FIGN: variants seen among roughly 807,000 people sequenced by gnomAD.
FIGN encodes fidgetin.
Under a neutral mutation model 51.3 loss-of-function variants are expected in FIGN, and 11 were observed. The observed-to-expected ratio is 0.21, with a 90% confidence interval of 0.13 to 0.35. FIGN has a LOEUF of 0.35. FIGN is among the 10% of genes least tolerant of loss of function. The pLI is 1.00. For missense variants in FIGN, 857 were observed against 943.6 expected, an observed-to-expected ratio of 0.91 and a Z score of 1.20; for synonymous variants, 407 against 363.2, an observed-to-expected ratio of 1.12 and a Z score of -1.37.
chr2:163,693,263 C>CTG (rs1486246524), intron 2 of FIGN, among the ~76,000 whole-genome samples: 1 of 151,694 alleles, frequency 6.6e-6, no homozygotes, highest in African/African-American at 2.4e-5. Context: ...GTGTGTGTAT[C>CTG]TGTGTGTGTG....
chr2:163,615,895 C>T (rs1049349326), intron 2 of FIGN, among the ~76,000 whole-genome samples: 5 of 152,084 alleles, frequency 3.3e-5, no homozygotes, highest in Non-Finnish European at 7.4e-5. Flanking sequence ...TCAGAAAAAT[C>T]TTAATACAGC....
intron 2 of FIGN, among the ~76,000 whole-genome samples, chr2:163,725,562 C>T (rs1278447116): frequency 6.6e-6 from 1 of 151,974 alleles, no homozygotes; most frequent in Admixed American, 6.6e-5. Flanking sequence ...ACTACCATTA[C>T]ATGGTGGTAA....
intron 2 of FIGN, among the ~76,000 whole-genome samples, chr2:163,703,423 A>G (rs746717934): frequency 3.3e-5 from 5 of 152,094 alleles, no homozygotes; most frequent in Non-Finnish European, 7.4e-5. Context: ...TGTAGGGGAG[A>G]GGAATTAAAA....
At position 163,615,447 on chromosome 2, in the gene FIGN, T is replaced by C. The variant is rs542801415; in HGVS notation, c.26-3641A>G. Among the ~76,000 whole-genome samples the C allele has an allele frequency of 9.2e-5, 14 of 152,322 alleles. No individual in the cohort carries two copies. In the South Asian group the frequency reaches 2.7e-3, roughly 29 times the overall value. ...TTGAATTTTAACACTAACTGGAAATTGGTAACCAAATTTATTTTTTTGTTG... is the reference window on the plus strand; with the variant it reads ...TTGAATTTTAACACTAACTGGAAATCGGTAACCAAATTTATTTTTTTGTTG... On this transcript the variant is annotated intron_variant, in intron 2 of 2. Transcript: ENST00000333129.
chr2:163,653,816 CT>C (rs992854555), intron 2 of FIGN, among the ~76,000 whole-genome samples: 3 of 152,094 alleles, frequency 2.0e-5, no homozygotes, highest in East Asian at 3.9e-4. Flanking sequence ...TTTTACAGGA[CT>C]TTTTTTAAAA....
chr2:163,624,691 C>T (rs980743910), intron 2 of FIGN, among the ~76,000 whole-genome samples: 4 of 141,282 alleles, frequency 2.8e-5, no homozygotes, highest in Non-Finnish European at 6.1e-5. Context: ...TATATACATA[C>T]ATATATATAT....
chr2:163,669,250 G>A (rs536524094), intron 2 of FIGN, among the ~76,000 whole-genome samples: 12 of 152,006 alleles, frequency 7.9e-5, no homozygotes, highest in Admixed American at 2.6e-4. Context: ...TCACTCAGTC[G>A]CCCAGGCTGG....
intron 2 of FIGN, among the ~76,000 whole-genome samples, chr2:163,699,667 G>A (rs1684377564): frequency 6.6e-6 from 1 of 152,262 alleles, no homozygotes; most frequent in Middle Eastern, 3.4e-3. Flanking sequence ...TATTCAGGGA[G>A]AAACTTAAGG....
chr2:163,694,090 T>G (rs938282446), intron 2 of FIGN, among the ~76,000 whole-genome samples: 2 of 152,172 alleles, frequency 1.3e-5, no homozygotes, highest in Non-Finnish European at 2.9e-5. Context: ...ATGTTTTATT[T>G]CTATCAATAT....
chr2:163,633,579 A>T (rs1479537720), intron 2 of FIGN, among the ~76,000 whole-genome samples: 1 of 152,162 alleles, frequency 6.6e-6, no homozygotes, highest in Non-Finnish European at 1.5e-5. Flanking sequence ...TTTCCAACTC[A>T]CAGAAGCCTT....
At chr2:163,614,420 G>T (rs1470999362) in intron 2 of FIGN, among the ~76,000 whole-genome samples, 1 of 152,080 alleles carries the variant, frequency 6.6e-6, no homozygotes, top group Non-Finnish European at 1.5e-5. Flanking sequence ...AAAAAGGAGA[G>T]AATATTAATG....
At chr2:163,687,400 C>T (rs1028131974) in intron 2 of FIGN, among the ~76,000 whole-genome samples, 2 of 152,204 alleles carry the variant, frequency 1.3e-5, no homozygotes, top group African/African-American at 4.8e-5. Flanking sequence ...TGTCAATTGA[C>T]ACTTGCCTTT....
At chr2:163,678,061 A>G (rs1684002436) in intron 2 of FIGN, among the ~76,000 whole-genome samples, 1 of 152,248 alleles carries the variant, frequency 6.6e-6, no homozygotes, top group Non-Finnish European at 1.5e-5. Context: ...TTACTTCAAT[A>G]TGGTGCATTA....
intron 2 of FIGN, among the ~76,000 whole-genome samples, chr2:163,728,145 T>C (rs1684866787): frequency 6.6e-6 from 1 of 152,176 alleles, no homozygotes; most frequent in Non-Finnish European, 1.5e-5. Context: ...CTGACACTAT[T>C]ATAACAAGGT....
rs1050247216 is a variant in FIGN at position 163,727,024 on chromosome 2, T to C, written c.25+7879A>G. The stretch of plus-strand genomic sequence containing the variant: ...TTGTAAGATTAAAATCACTGAATCA[T>C]ACCGAATTAAGATTTATAATTTAGC... On this transcript the variant is annotated intron_variant, in intron 2 of 2. Coordinates refer to ENST00000333129, the MANE Select transcript of FIGN (RefSeq NM_018086.4). Among the ~76,000 whole-genome samples the C allele has an allele frequency of 2.6e-5, 4 of 152,044 alleles. No individual in the cohort carries two copies. In the South Asian group the frequency reaches 8.3e-4, roughly 32 times the overall value.
intron 2 of FIGN, among the ~76,000 whole-genome samples, chr2:163,721,442 C>T (rs113720669): frequency 8.5e-5 from 13 of 152,298 alleles, no homozygotes; most frequent in Admixed American, 2.6e-4. Flanking sequence ...ACTAAACACA[C>T]GGGTCTTCAC....
chr2:163,611,273 G>A lies in FIGN; in HGVS notation c.559C>T (p.Pro187Ser). 6.2e-7 allele frequency: 1 copy of A among 1,614,108 alleles called. No homozygotes were observed. The highest frequency in any genetic ancestry group is 8.5e-7 in the Non-Finnish European group (1 of 1,180,012). ...TGCAAATATGATCCGTTGTATCCTGGGGCATATTCCTGAGATGGGAGCCCT... is the reference window on the plus strand; with the variant it reads ...TGCAAATATGATCCGTTGTATCCTGAGGCATATTCCTGAGATGGGAGCCCT... The part of the protein sequence containing the change: ...HAGLPSQEYA[P>S]GYNGSYLHST... Residue 187 changes from proline (P) to serine (S), a missense_variant, in exon 3 of 3, where the codon CCA becomes TCA. Around this residue, in one of 3 missense-constraint regions of FIGN, gnomAD observed 799 missense variants for 849.5 expected, o/e 0.94. Transcript: ENST00000333129.
At chr2:163,684,850 C>A (rs1467458198) in intron 2 of FIGN, among the ~76,000 whole-genome samples, 2 of 152,056 alleles carry the variant, frequency 1.3e-5, no homozygotes, top group South Asian at 4.1e-4. Context: ...TCTCGGCTCA[C>A]TGCAACCTCC....
At chr2:163,712,564 C>T (rs1684602689) in intron 2 of FIGN, among the ~76,000 whole-genome samples, 1 of 152,058 alleles carries the variant, frequency 6.6e-6, no homozygotes. Flanking sequence ...TTAAAGGCAA[C>T]ATTAATACAC....
Sources: gnomAD v4.1 joint callset for allele counts (sites outside exome capture counted in the v4.1 genomes callset) on GRCh38, gnomAD v4.1.1 for gene constraint, gnomAD v4.1.1 regional missense constraint, MANE v1.5 for transcripts, NCBI Gene and HGNC (gene_info 2026-07-23, HGNC 2026-07-21) for gene names.